The following EPCIP variants were observed in gnomAD, a reference collection of about 807,000 sequenced individuals.
EPCIP encodes the protein exosomal polycystin 1 interacting protein.
chr21:32,805,113 T>C, the EPCIP span, among the ~76,000 whole-genome samples: 1 of 152,184 alleles, frequency 6.6e-6, no homozygotes, highest in Non-Finnish European at 1.5e-5. Context: ...AACAGGGTCC[T>C]TATAAGAAGA....
the EPCIP span, chr21:32,794,503 G>A: frequency 7.7e-7 from 1 of 1,306,548 alleles, no homozygotes; most frequent in East Asian, 2.4e-5. Context: ...AAAAGAGGCA[G>A]CTTTATCACA....
the EPCIP span, chr21:32,791,544 A>G: frequency 6.6e-6 from 1 of 151,650 alleles, no homozygotes; most frequent in Non-Finnish European, 1.5e-5. Flanking sequence ...TCACTTTAAC[A>G]TTATCTGCAG....
the EPCIP span, among the ~76,000 whole-genome samples, chr21:32,799,930 A>G: frequency 6.6e-6 from 1 of 152,244 alleles, no homozygotes; most frequent in African/African-American, 2.4e-5. Flanking sequence ...TGACAGAGTG[A>G]GTGAGACTCT....
At chr21:32,804,275 T>TTATATATATATATA in the EPCIP span, among the ~76,000 whole-genome samples, 3 of 140,960 alleles carry the variant, frequency 2.1e-5, no homozygotes, top group Admixed American at 1.4e-4. Context: ...ATGCATGTGA[T>TTATATATATATATA]TATATATATA....
At chr21:32,796,435 G>A in the EPCIP span, among the ~76,000 whole-genome samples, 1 of 152,222 alleles carries the variant, frequency 6.6e-6, no homozygotes, top group African/African-American at 2.4e-5. Context: ...GAACTGAGAA[G>A]CACTGTACTG....
At chr21:32,797,036 A>G in the EPCIP span, 11 of 470,776 alleles carry the variant, frequency 2.3e-5, no homozygotes, top group Admixed American at 2.6e-4. Flanking sequence ...AGTTCCCAGA[A>G]GAATTTGTGA....
the EPCIP span, among the ~76,000 whole-genome samples, chr21:32,805,347 C>T: frequency 1.6e-5 from 2 of 121,414 alleles, no homozygotes; most frequent in Non-Finnish European, 3.3e-5. Flanking sequence ...AAGCCACTAA[C>T]ATTGTAGATT....
chr21:32,806,133 T>A, the EPCIP span, among the ~76,000 whole-genome samples: 1 of 152,092 alleles, frequency 6.6e-6, no homozygotes, highest in Non-Finnish European at 1.5e-5. Context: ...GAAGTGCTTT[T>A]AAGAATTCTG....
the EPCIP span, chr21:32,810,451 C>T: frequency 8.4e-5 from 24 of 287,248 alleles, no homozygotes; most frequent in African/African-American, 2.4e-4. Context: ...TTAGTGCAGA[C>T]GGGGTTTCAC....
the EPCIP span, among the ~76,000 whole-genome samples, chr21:32,811,493 T>C: frequency 6.6e-6 from 1 of 152,174 alleles, no homozygotes; most frequent in Non-Finnish European, 1.5e-5. Context: ...TTGTCCAAGG[T>C]CACAGAACTA....
the EPCIP span, among the ~76,000 whole-genome samples, chr21:32,804,843 A>C: frequency 6.6e-6 from 1 of 152,216 alleles, no homozygotes; most frequent in African/African-American, 2.4e-5. Context: ...CATTTCTACT[A>C]ACTTAAATGT....
At chr21:32,791,111 A>T in the EPCIP span, 1 of 152,204 alleles carries the variant, frequency 6.6e-6, no homozygotes, top group African/African-American at 2.4e-5. Context: ...CTAAGTGCCA[A>T]ATGCCATTAA....
At chr21:32,804,275 T>TTTTA in the EPCIP span, among the ~76,000 whole-genome samples, 1 of 140,960 alleles carries the variant, frequency 7.1e-6, no homozygotes, top group Non-Finnish European at 1.5e-5. Flanking sequence ...ATGCATGTGA[T>TTTTA]TATATATATA....
At chr21:32,796,007 T>A in the EPCIP span, among the ~76,000 whole-genome samples, 143 of 25,840 alleles carry the variant, frequency 5.5e-3, no homozygotes, top group African/African-American at 0.01. Flanking sequence ...CTTCCCTCTT[T>A]CCTTCCCTCC....
chr21:32,804,712 G>T, the EPCIP span, among the ~76,000 whole-genome samples: 1 of 152,084 alleles, frequency 6.6e-6, no homozygotes, highest in Non-Finnish European at 1.5e-5. Context: ...CTCTCTGCAT[G>T]ATTTTTCCTG....
At chr21:32,809,282 T>TTC in the EPCIP span, among the ~76,000 whole-genome samples, 1 of 87,738 alleles carries the variant, frequency 1.1e-5, no homozygotes, top group Non-Finnish European at 2.2e-5. Context: ...CCTCCTTCCT[T>TTC]TCTTTCTTTC....
At chr21:32,804,416 G>T in the EPCIP span, among the ~76,000 whole-genome samples, 1 of 151,650 alleles carries the variant, frequency 6.6e-6, no homozygotes, top group Non-Finnish European at 1.5e-5. Flanking sequence ...AAGGTGCTAG[G>T]ATTATAGGCA....
the EPCIP span, among the ~76,000 whole-genome samples, chr21:32,806,852 C>A: frequency 3.9e-5 from 6 of 152,184 alleles, no homozygotes; most frequent in East Asian, 9.7e-4. Context: ...AAGACATACC[C>A]AAGCCTGGGT....
the EPCIP span, among the ~76,000 whole-genome samples, chr21:32,793,185 G>A: frequency 3.3e-5 from 5 of 151,976 alleles, no homozygotes; most frequent in Non-Finnish European, 7.4e-5. Flanking sequence ...TTGAACTCCC[G>A]ACCTCAGGTG....
Sources: allele counts gnomAD v4.1 joint callset (sites outside exome capture counted in the v4.1 genomes callset), GRCh38; gene constraint gnomAD v4.1.1; transcripts MANE v1.5; gene names NCBI Gene and HGNC (gene_info 2026-07-23, HGNC 2026-07-21).